EGFLAM: variants seen among roughly 807,000 people sequenced by gnomAD.
EGFLAM encodes the protein EGF like, fibronectin type III and laminin G domains, also known as pikachurin.
In EGFLAM, 79 loss-of-function variants were observed where a neutral mutation model predicts 113.1. That is an observed-to-expected ratio of 0.70 (90% CI 0.58 to 0.84). The LOEUF is 0.84. EGFLAM is among the 40% of genes least tolerant of loss of function. The pLI is 0.00. For synonymous variants in EGFLAM, 504 were observed against 487.6 expected (o/e 1.03, Z -0.44); for missense variants, 1,265 against 1,291.6 (o/e 0.98, Z 0.32).
At chr5:38,421,138 A>G (rs977805951) in intron 12 of EGFLAM, among the ~76,000 whole-genome samples, 2 of 152,302 alleles carry the variant, frequency 1.3e-5, no homozygotes, top group African/African-American at 2.4e-5. Flanking sequence ...GCCATCTTCA[A>G]CTGTGACTTT....
intron 5 of EGFLAM, among the ~76,000 whole-genome samples, chr5:38,354,789 C>G (rs1739723809): frequency 2.6e-5 from 4 of 152,138 alleles, no homozygotes; most frequent in Admixed American, 2.6e-4. Context: ...ATCTGTGTAA[C>G]CCTGAGCAAA....
chr5:38,337,653 TC>T, intron 2 of EGFLAM, 24 bp downstream of exon 2: 2 of 1,562,540 alleles, frequency 1.3e-6, no homozygotes, highest in Non-Finnish European at 1.7e-6. Context: ...CATGGGAGTT[TC>T]CTCGGTGGGT....
chr5:38,297,379 C>A (rs550454743), intron 1 of EGFLAM, among the ~76,000 whole-genome samples: 5 of 152,270 alleles, frequency 3.3e-5, no homozygotes, highest in East Asian at 1.9e-4. Context: ...AGAGAGTCAT[C>A]TTTGGGCCAA....
intron 1 of EGFLAM, among the ~76,000 whole-genome samples, chr5:38,272,589 T>A (rs1446452478): frequency 6.6e-6 from 1 of 152,228 alleles, no homozygotes; most frequent in Non-Finnish European, 1.5e-5. Flanking sequence ...CAATTCTGTA[T>A]TCCCTTGAAA....
chr5:38,357,808 A>G (rs967141934), intron 5 of EGFLAM, among the ~76,000 whole-genome samples: 5 of 151,068 alleles, frequency 3.3e-5, no homozygotes, highest in South Asian at 4.2e-4. Context: ...CTTATTTGCT[A>G]TTCAATGGAG....
chr5:38,443,963 G>A (rs1742628575), intron 17 of EGFLAM, among the ~76,000 whole-genome samples: 1 of 151,948 alleles, frequency 6.6e-6, no homozygotes, highest in African/African-American at 2.4e-5. Context: ...TAGAGACAGG[G>A]TTTCCCCATG....
intron 1 of EGFLAM, among the ~76,000 whole-genome samples, chr5:38,259,795 A>C (rs1757453298): frequency 6.6e-6 from 1 of 152,236 alleles, no homozygotes; most frequent in South Asian, 2.1e-4. Flanking sequence ...CAGTCTGCAA[A>C]ACCTCACAGA....
intron 1 of EGFLAM, among the ~76,000 whole-genome samples, chr5:38,306,410 T>C (rs556065217): frequency 2.0e-5 from 3 of 152,288 alleles, no homozygotes; most frequent in Admixed American, 2.0e-4. Context: ...GAAGTCCTGG[T>C]TGCTGGTGGC....
At chr5:38,441,731 G>T (rs889307297) in intron 17 of EGFLAM, among the ~76,000 whole-genome samples, 1 of 152,088 alleles carries the variant, frequency 6.6e-6, no homozygotes, top group Non-Finnish European at 1.5e-5. Flanking sequence ...CAGAGCCTTT[G>T]CTATGCTCTG....
At chr5:38,320,456 T>C (rs1387137476) in intron 1 of EGFLAM, among the ~76,000 whole-genome samples, 1 of 152,232 alleles carries the variant, frequency 6.6e-6, no homozygotes, top group East Asian at 1.9e-4. Context: ...TTAAAGCTTC[T>C]ACACCATAAT....
At chr5:38,366,324 T>C (rs1203027402) in intron 5 of EGFLAM, among the ~76,000 whole-genome samples, 1 of 152,240 alleles carries the variant, frequency 6.6e-6, no homozygotes, top group South Asian at 2.1e-4. Flanking sequence ...TATTTTGCGC[T>C]GGCTTCCTAC....
At chr5:38,331,765 C>T (rs942077358) in intron 1 of EGFLAM, among the ~76,000 whole-genome samples, 2 of 152,042 alleles carry the variant, frequency 1.3e-5, no homozygotes, top group African/African-American at 2.4e-5. Context: ...TAGCTCATTT[C>T]TTTTTAGCAC....
chr5:38,405,610 T>A (rs1314675607), intron 6 of EGFLAM, among the ~76,000 whole-genome samples: 1 of 152,228 alleles, frequency 6.6e-6, no homozygotes, highest in Non-Finnish European at 1.5e-5. Context: ...ATGTTGTTTG[T>A]TCTTATAAAT....
At chr5:38,313,212 A>G (rs1475626668) in intron 1 of EGFLAM, among the ~76,000 whole-genome samples, 1 of 152,234 alleles carries the variant, frequency 6.6e-6, no homozygotes, top group East Asian at 1.9e-4. Context: ...TTTGCTCTGC[A>G]TAATTTTTTT....
intron 1 of EGFLAM, among the ~76,000 whole-genome samples, chr5:38,281,330 C>A (rs1758016376): frequency 6.6e-6 from 1 of 151,154 alleles, no homozygotes; most frequent in Non-Finnish European, 1.5e-5. Flanking sequence ...TAGAGGATGC[C>A]CAGCTGAATT....
At chr5:38,406,362 C>A in intron 7 of EGFLAM, 121 bp downstream of exon 7, 1 of 839,892 alleles carries the variant, frequency 1.2e-6, no homozygotes, top group Non-Finnish European at 1.9e-6. Flanking sequence ...TTGCTTTTAA[C>A]ACTGATTTGT....
At chr5:38,451,644 A>G in intron 19 of EGFLAM, 186 bp downstream of exon 19, 2 of 863,102 alleles carry the variant, frequency 2.3e-6, no homozygotes, top group Non-Finnish European at 3.4e-6. Context: ...AGCAGCAGTC[A>G]GCAAACTATG....
intron 1 of EGFLAM, among the ~76,000 whole-genome samples, chr5:38,274,809 T>A (rs1042764189): frequency 6.6e-6 from 1 of 152,188 alleles, no homozygotes; most frequent in African/African-American, 2.4e-5. Flanking sequence ...TTCAGAACAC[T>A]CTAATACTGT....
intron 6 of EGFLAM, among the ~76,000 whole-genome samples, chr5:38,385,612 A>G (rs796277311): frequency 7.2e-5 from 11 of 152,248 alleles, no homozygotes; most frequent in African/African-American, 2.6e-4. Flanking sequence ...TGGAGGGTCA[A>G]TTGTATAGAA....
Sources: gnomAD v4.1 joint callset for allele counts (sites outside exome capture counted in the v4.1 genomes callset) on GRCh38, gnomAD v4.1.1 for gene constraint, MANE v1.5 for transcripts, NCBI Gene and HGNC (gene_info 2026-07-23, HGNC 2026-07-21) for gene names.